BLK: variants seen among roughly 807,000 people sequenced by gnomAD.
The protein encoded by BLK is tyrosine-protein kinase Blk.
A neutral mutation model predicts 61.8 loss-of-function variants in BLK; 64 were observed. The ratio of observed to expected loss-of-function variants is 1.03; its 90% CI spans 0.85 to 1.27. The LOEUF (loss-of-function observed/expected upper bound fraction) is 1.27. Among genes scored for constraint, BLK ranks in the 50% most tolerant of loss-of-function variants. The pLI, the probability that BLK is intolerant of heterozygous loss-of-function variation, is 0.00. For missense variants in BLK, 853 were observed against 660.5 expected, an observed-to-expected ratio of 1.29 and a Z score of -3.19; for synonymous variants, 351 against 272.0, an observed-to-expected ratio of 1.29 and a Z score of -2.86.
At chr8:11,524,575 C>T (rs954575148) in intron 1 of BLK, among the ~76,000 whole-genome samples, 3 of 152,120 alleles carry the variant, frequency 2.0e-5, no homozygotes, top group Admixed American at 6.5e-5. Context: ...TATCGGAAGA[C>T]TTAGAAAGGT....
intron 10 of BLK, chr8:11,560,847 G>T (rs1343921356): frequency 2.2e-6 from 1 of 459,614 alleles, no homozygotes; most frequent in Non-Finnish European, 4.4e-6. Context: ...AGGTTAAGCA[G>T]CTTGCTAGAG....
intron 1 of BLK, among the ~76,000 whole-genome samples, chr8:11,539,735 A>G (rs1800291672): frequency 1.3e-5 from 2 of 152,256 alleles, no homozygotes; most frequent in East Asian, 3.8e-4. Context: ...AGCAATGAAT[A>G]AAACAAAGAT....
chr8:11,519,665 G>A (rs552478766), intron 1 of BLK, among the ~76,000 whole-genome samples: 20 of 152,272 alleles, frequency 1.3e-4, no homozygotes, highest in African/African-American at 3.6e-4. Flanking sequence ...CTGAACAACC[G>A]TGTGAGGTAG....
Position 11,563,127 on chromosome 8 carries a change from G to T in BLK, c.1312+17G>T, listed in dbSNP as rs769852079. On this transcript the variant is annotated intron_variant, in intron 12 of 12. Transcript: ENST00000259089. ...CATACCCAGGTAGGTGGCTCACCCC[G>T]CAGCTCGCGGCTCCCTGCTTTCCCG... is the stretch of plus-strand genomic sequence containing the variant. 1.2e-6 allele frequency: 2 copies of T among 1,613,064 alleles called. No homozygotes were observed. Among genetic ancestry groups the T allele is most frequent in the Non-Finnish European group, 1.7e-6 (2 of 1,179,790 alleles).
intron 3 of BLK, among the ~76,000 whole-genome samples, chr8:11,547,624 G>A (rs1800706632): frequency 6.6e-6 from 1 of 152,234 alleles, no homozygotes; most frequent in African/African-American, 2.4e-5. Context: ...GGCAGGCGGG[G>A]CAGAGGAGGA....
At chr8:11,547,969 C>A in intron 3 of BLK, 63 bp from the exon 4 acceptor site, 2 of 1,432,790 alleles carry the variant, frequency 1.4e-6, no homozygotes, top group Non-Finnish European at 2.0e-6. Flanking sequence ...GCCAGGCTCA[C>A]CCCAGCCCCA....
At chr8:11,532,098 A>G (rs754296706) in intron 1 of BLK, among the ~76,000 whole-genome samples, 1 of 151,982 alleles carries the variant, frequency 6.6e-6, no homozygotes, top group Non-Finnish European at 1.5e-5. Flanking sequence ...ACCTCAAGTA[A>G]TTCACCTGCT....
At chr8:11,499,690 C>T (rs1798484561) in intron 1 of BLK, among the ~76,000 whole-genome samples, 1 of 152,180 alleles carries the variant, frequency 6.6e-6, no homozygotes, top group Non-Finnish European at 1.5e-5. Context: ...GAAATCCATG[C>T]CTCTCTGGAG....
intron 3 of BLK, among the ~76,000 whole-genome samples, chr8:11,546,817 C>T (rs1370473999): frequency 1.3e-5 from 2 of 152,220 alleles, no homozygotes; most frequent in African/African-American, 4.8e-5. Flanking sequence ...CTCAGGTGAT[C>T]TGCCCGCCTC....
intron 4 of BLK, 95 bp from the exon 5 acceptor site, chr8:11,548,929 T>C (rs1563114044): frequency 4.4e-6 from 5 of 1,135,040 alleles, no homozygotes; most frequent in African/African-American, 1.5e-5. Context: ...TTCTCTGCCC[T>C]CCAGGGAGAG....
At chr8:11,506,256 C>T (rs141809446) in intron 1 of BLK, among the ~76,000 whole-genome samples, 164 of 152,318 alleles carry the variant, frequency 1.1e-3, no homozygotes, top group African/African-American at 3.7e-3. Context: ...TATTTGCAGA[C>T]CTAGGGGAGG....
intron 1 of BLK, among the ~76,000 whole-genome samples, chr8:11,505,093 C>T (rs763367027): frequency 1.2e-4 from 18 of 152,284 alleles, no homozygotes; most frequent in Non-Finnish European, 2.1e-4. Flanking sequence ...CAGAGGAACA[C>T]ACAAAGATAC....
At chr8:11,509,314 C>G (rs979217023) in intron 1 of BLK, 1 of 152,246 alleles carries the variant, frequency 6.6e-6, no homozygotes, top group African/African-American at 2.4e-5. Context: ...AGCCCAGGGA[C>G]TTTACCATCC....
rs567244853 is a variant in BLK, at chr8:11,536,522, C to G, written c.-1-6702C>G. The stretch of plus-strand genomic sequence containing the variant: ...TCTCCCACCTCAACCTCCCAAGTAG[C>G]TGGGATTACAGGCATGCGCCTGGCT... On this transcript the variant is annotated intron_variant, in intron 1 of 12. Transcript: ENST00000259089. Among the ~76,000 whole-genome samples, 19 of 152,326 alleles carry G rather than the reference C, an allele frequency of 1.2e-4. No homozygotes were observed. The South Asian group carries it at 3.1e-3, about 25-fold the overall frequency.
intron 1 of BLK, among the ~76,000 whole-genome samples, chr8:11,526,768 A>C (rs1799670155): frequency 6.6e-6 from 1 of 150,698 alleles, no homozygotes; most frequent in Non-Finnish European, 1.5e-5. Context: ...ATATAATTTT[A>C]CTGTGTTTCA....
chr8:11,563,962 G>T lies in BLK; in HGVS notation c.1372G>T (p.Asp458Tyr). 1.2e-6 allele frequency: 2 copies of T among 1,606,830 alleles called. No individual in the cohort carries two copies. Among genetic ancestry groups the T allele is most frequent in the Non-Finnish European group, 1.7e-6 (2 of 1,179,336 alleles). Reference protein sequence around the residue: ...LERGYRMPRPDTCPPELYRGV... With the variant: ...LERGYRMPRPYTCPPELYRGV... Reference sequence around the variant, plus strand: ...GCGCGGCTACCGCATGCCGCGCCCCGACACCTGCCCGCCCGAGCTGTACCG... The same window carrying T: ...GCGCGGCTACCGCATGCCGCGCCCCTACACCTGCCCGCCCGAGCTGTACCG... The change falls in exon 13 of 13, where the codon GAC becomes TAC. Residue 458 changes from aspartate to tyrosine, a missense_variant. By Grantham distance (160) the Asp-to-Tyr change is radical (BLOSUM62 -3). Coordinates refer to ENST00000259089, the MANE Select transcript of BLK (RefSeq NM_001715.3).
chr8:11,543,076 C>T lies in BLK; in HGVS notation c.-1-148C>T, dbSNP rs1800459066. On this transcript the variant is annotated intron_variant, in intron 1 of 12. Transcript: ENST00000259089. ...CATTTAGCTCACCCACCCGCTTCTA[C>T]CCACGTTCTGACTTTGAGGTCTTTG... 3.9e-5 allele frequency: 48 copies of T among 1,232,576 alleles called. No individual in the cohort carries two copies. In the South Asian group the frequency reaches 6.3e-4, roughly 16 times the overall value. 76.4% of individuals were successfully genotyped at this position (1,232,576 alleles called of 1,614,324 possible). A position where few individuals can be genotyped will look rare whatever the true frequency, so the allele number is the denominator to read the frequency against.
At chr8:11,520,514 A>AAAAAAGG (rs1563435701) in intron 1 of BLK, among the ~76,000 whole-genome samples, 6 of 150,668 alleles carry the variant, frequency 4.0e-5, no homozygotes, top group African/African-American at 1.5e-4. Context: ...GAAGAAAGAA[A>AAAAAAGG]AAGAAAGAAA....
intron 1 of BLK, among the ~76,000 whole-genome samples, chr8:11,507,994 A>G (rs1366906795): frequency 6.6e-6 from 1 of 152,088 alleles, no homozygotes; most frequent in African/African-American, 2.4e-5. Context: ...CATCAGGCAC[A>G]CTGGTCAAGT....
Sources: gnomAD v4.1 joint callset for allele counts (sites outside exome capture counted in the v4.1 genomes callset) on GRCh38, gnomAD v4.1.1 for gene constraint, MANE v1.5 for transcripts, NCBI Gene and HGNC (gene_info 2026-07-23, HGNC 2026-07-21) for gene names.